Variants in RGS5 observed in about 807,000 individuals in gnomAD.
The protein encoded by RGS5 is regulator of G protein signaling 5.
RGS5 carries 20 observed loss-of-function variants against 18.9 expected under a neutral mutation model. That is an observed-to-expected ratio of 1.06 (90% CI 0.74 to 1.54). The LOEUF (loss-of-function observed/expected upper bound fraction) is 1.54. RGS5 is among the 40% of genes most tolerant of loss of function. The pLI is 0.00. For missense variants in RGS5, 201 were observed against 211.8 expected (o/e 0.95, Z 0.32); for synonymous variants, 57 against 76.2 (o/e 0.75, Z 1.31).
intron 2 of RGS5, among the ~76,000 whole-genome samples, chr1:163,257,524 T>G (rs979737616): frequency 2.0e-5 from 3 of 152,220 alleles, no homozygotes; most frequent in African/African-American, 7.2e-5. Flanking sequence ...TATTTCCATG[T>G]TACTACTTTT....
chr1:163,169,566 G>C (rs1437368909), intron 1 of RGS5, among the ~76,000 whole-genome samples: 1 of 152,134 alleles, frequency 6.6e-6, no homozygotes, highest in Non-Finnish European at 1.5e-5. Context: ...TAACTGGTGT[G>C]AGATGGTATC....
chr1:163,240,845 A>C (rs959462081), intron 2 of RGS5, among the ~76,000 whole-genome samples: 5 of 152,140 alleles, frequency 3.3e-5, no homozygotes, highest in Non-Finnish European at 7.4e-5. Context: ...ATCTTGTTTG[A>C]GGTCATGGTT....
chr1:163,179,077 ACGAT>A (rs1484304413), intron 1 of RGS5, among the ~76,000 whole-genome samples: 2 of 152,250 alleles, frequency 1.3e-5, no homozygotes, highest in African/African-American at 4.8e-5. Flanking sequence ...TAAAGCAAAT[ACGAT>A]ACACGTTAAA....
chr1:163,275,826 G>C (rs1648837851), intron 2 of RGS5, among the ~76,000 whole-genome samples: 1 of 152,100 alleles, frequency 6.6e-6, no homozygotes, highest in Non-Finnish European at 1.5e-5. Flanking sequence ...AGGAAGTAAG[G>C]AAAGAAATAA....
chr1:163,275,624 G>T (rs1648833767), intron 2 of RGS5, among the ~76,000 whole-genome samples: 1 of 152,134 alleles, frequency 6.6e-6, no homozygotes, highest in African/African-American at 2.4e-5. Context: ...CAGTTTATTG[G>T]AAACTTGGGT....
chr1:163,266,455 A>T (rs553949660), intron 2 of RGS5: 1 of 152,214 alleles, frequency 6.6e-6, no homozygotes, highest in South Asian at 2.1e-4. Context: ...GTTTTTCTTC[A>T]ATAGCTCCCT....
upstream of RGS5, among the ~76,000 whole-genome samples, chr1:163,218,191 G>A (rs1028887768): frequency 1.1e-4 from 16 of 152,076 alleles, no homozygotes; most frequent in Admixed American, 8.5e-4. Flanking sequence ...TTTGAGAGAC[G>A]GTTGATAAAA....
chr1:163,227,979 C>T (rs1647376138), intron 2 of RGS5, among the ~76,000 whole-genome samples: 1 of 152,208 alleles, frequency 6.6e-6, no homozygotes, highest in Non-Finnish European at 1.5e-5. Flanking sequence ...TGGGCAGCTC[C>T]ATCCCTGTGG....
intron 2 of RGS5, chr1:163,244,788 G>A (rs1013249552): frequency 2.0e-5 from 3 of 152,056 alleles, no homozygotes; most frequent in Non-Finnish European, 4.4e-5. Context: ...TCATTCAGAA[G>A]GTTTAATTAA....
intron 2 of RGS5, among the ~76,000 whole-genome samples, chr1:163,231,122 GA>G (rs1438070734): frequency 6.6e-6 from 1 of 152,190 alleles, no homozygotes; most frequent in Non-Finnish European, 1.5e-5. Context: ...AGACCAGAGG[GA>G]CAGGCTAAAA....
intron 2 of RGS5, among the ~76,000 whole-genome samples, chr1:163,241,364 T>G (rs146876642): frequency 0.015 from 2,216 of 152,274 alleles, 62 homozygotes; most frequent in African/African-American, 0.05. Context: ...TATCTTCTGG[T>G]CTGAACATAG....
intron 2 of RGS5, among the ~76,000 whole-genome samples, chr1:163,228,876 G>A (rs1043700675): frequency 4.6e-5 from 7 of 152,238 alleles, no homozygotes; most frequent in East Asian, 1.9e-4. Flanking sequence ...CTTTGCCCCC[G>A]TTCCCAAGAA....
At chr1:163,252,346 T>C (rs1304794681) in intron 2 of RGS5, among the ~76,000 whole-genome samples, 1 of 152,208 alleles carries the variant, frequency 6.6e-6, no homozygotes, top group Non-Finnish European at 1.5e-5. Flanking sequence ...TTGTTAGGTA[T>C]TTGGTTTGCA....
intron 4 of RGS5, among the ~76,000 whole-genome samples, chr1:163,152,315 C>CA (rs1246854022): frequency 6.6e-6 from 1 of 152,166 alleles, no homozygotes; most frequent in African/African-American, 2.4e-5. Flanking sequence ...GTATGATCTC[C>CA]ACTGGAGGTT....
chr1:163,310,369 G>A (rs1158933071), intron 1 of RGS5, among the ~76,000 whole-genome samples: 1 of 152,008 alleles, frequency 6.6e-6, no homozygotes, highest in Non-Finnish European at 1.5e-5. Context: ...GGCGGATCAC[G>A]AGGTCAGGAG....
upstream of RGS5, among the ~76,000 whole-genome samples, chr1:163,218,447 TATTA>T (rs1367932826): frequency 6.6e-6 from 1 of 152,154 alleles, no homozygotes; most frequent in African/African-American, 2.4e-5. Context: ...CACTGTTAGA[TATTA>T]ATTTTGTATA....
upstream of RGS5, among the ~76,000 whole-genome samples, chr1:163,217,883 T>C (rs1437531821): frequency 6.6e-6 from 1 of 152,198 alleles, no homozygotes; most frequent in Non-Finnish European, 1.5e-5. Context: ...CAGATTACGG[T>C]ACTGTGAGTA....
At chr1:163,198,884 G>A (rs911603658) in intron 1 of RGS5, among the ~76,000 whole-genome samples, 3 of 152,078 alleles carry the variant, frequency 2.0e-5, no homozygotes, top group Admixed American at 2.0e-4. Flanking sequence ...TGCCCAGGCT[G>A]CCCTTAAACT....
At chr1:163,233,706 G>A (rs1473191994) in intron 2 of RGS5, among the ~76,000 whole-genome samples, 12 of 152,140 alleles carry the variant, frequency 7.9e-5, no homozygotes, top group African/African-American at 2.7e-4. Flanking sequence ...CAGGCAGGGG[G>A]TGGATCTTAA....
Sources: allele counts gnomAD v4.1 joint callset (sites outside exome capture counted in the v4.1 genomes callset), GRCh38; gene constraint gnomAD v4.1.1; transcripts MANE v1.5; gene names NCBI Gene and HGNC (gene_info 2026-07-23, HGNC 2026-07-21).